Variants in PARK7 observed in about 807,000 individuals in gnomAD.
PARK7 encodes Parkinsonism associated deglycase.
PARK7 carries 14 observed loss-of-function variants against 20.5 expected under a neutral mutation model. The ratio of observed to expected loss-of-function variants is 0.68; its 90% CI spans 0.45 to 1.07. The LOEUF is 1.07. Among genes scored for constraint, PARK7 ranks in the 50% least tolerant of loss-of-function variants. PARK7 has a pLI of 0.00. For missense variants in PARK7, 234 were observed against 238.1 expected (o/e 0.98, Z 0.11); for synonymous variants, 98 against 84.3 (o/e 1.16, Z -0.89).
chr1:7,972,297 CAACA>C (rs370264113), intron 5 of PARK7, among the ~76,000 whole-genome samples: 5 of 151,926 alleles, frequency 3.3e-5, no homozygotes, highest in African/African-American at 4.8e-5. Flanking sequence ...ACCCCCATCT[CAACA>C]AACAAACAAA....
At chr1:7,968,891 TA>T (rs1640389851) in intron 3 of PARK7, among the ~76,000 whole-genome samples, 1 of 152,184 alleles carries the variant, frequency 6.6e-6, no homozygotes, top group African/African-American at 2.4e-5. Flanking sequence ...TAGACACATA[TA>T]AAGTCAAAAT....
rs1488994886 is a variant in PARK7 at position 7,985,305 on chromosome 1, CTCATT to C, written c.*254_*258del. 10 of 502,650 alleles carry C rather than the reference CTCATT, an allele frequency of 2.0e-5. No individual in the cohort carries two copies. In the Admixed American group the frequency reaches 3.2e-4, roughly 16 times the overall value. 31.1% of individuals were successfully genotyped at this position (502,650 alleles called of 1,614,324 possible). A position where few individuals can be genotyped will look rare whatever the true frequency, so the allele number is the denominator to read the frequency against. On this transcript the variant is annotated 3_prime_UTR_variant, in exon 7 of 7. Coordinates refer to ENST00000338639, the MANE Select transcript of PARK7 (RefSeq NM_007262.5). ...CTACTGATTGTTTCTTGTTTTGTCT[CTCATT>C]TCTTTTGTGAAATTAAATTCCGTAT...
At position 7,965,346 on chromosome 1, in the gene PARK7, TGGCTGG is replaced by T; in HGVS notation, c.114_119del (p.Ala39_Gly40del). On this transcript the variant is annotated inframe_deletion, in exon 3 of 7. Transcript: ENST00000338639. Reference sequence around the variant, plus strand: ...TAGATTAAGGTCACCGTTGCAGGCCTGGCTGGAAAAGACCCAGTACAGTGTAGCCGT... The same window carrying T: ...TAGATTAAGGTCACCGTTGCAGGCCTAAAAGACCCAGTACAGTGTAGCCGT... The T allele has an allele frequency of 6.2e-7, 1 of 1,614,188 alleles. No individual in the cohort carries two copies. The highest frequency in any genetic ancestry group is 8.5e-7 in the Non-Finnish European group (1 of 1,180,014).
At chr1:7,963,287 C>G (rs1054045416) in intron 2 of PARK7, among the ~76,000 whole-genome samples, 5 of 152,238 alleles carry the variant, frequency 3.3e-5, no homozygotes, top group African/African-American at 1.2e-4. Flanking sequence ...TGCTCTCCAA[C>G]TCCTGAGCTC....
At chr1:7,963,423 G>A (rs1640254686) in intron 2 of PARK7, among the ~76,000 whole-genome samples, 1 of 145,930 alleles carries the variant, frequency 6.9e-6, no homozygotes, top group South Asian at 2.2e-4. Context: ...TCTCTGTGTC[G>A]CTCAGCCTGG....
At chr1:7,980,662 T>C (rs1640691624) in intron 6 of PARK7, among the ~76,000 whole-genome samples, 1 of 152,048 alleles carries the variant, frequency 6.6e-6, no homozygotes, top group African/African-American at 2.4e-5. Flanking sequence ...AGTTACCAGG[T>C]GTTGGATTTA....
At chr1:7,968,222 C>T (rs1250615233) in intron 3 of PARK7, among the ~76,000 whole-genome samples, 1 of 147,494 alleles carries the variant, frequency 6.8e-6, no homozygotes, top group South Asian at 2.2e-4. Context: ...GCAGGAGAAT[C>T]GCTTGAATCC....
intron 4 of PARK7, 88 bp from the exon 5 acceptor site, chr1:7,970,806 A>T (rs2151432294): frequency 7.6e-7 from 1 of 1,321,702 alleles, no homozygotes; most frequent in East Asian, 2.4e-5. Flanking sequence ...GGTTTAAACT[A>T]AAATTAAATT....
chr1:7,981,621 C>T (rs1261531042), intron 6 of PARK7, among the ~76,000 whole-genome samples: 1 of 151,992 alleles, frequency 6.6e-6, no homozygotes, highest in Non-Finnish European at 1.5e-5. Context: ...GGCCTCGGCC[C>T]TCAGGCTTGT....
In PARK7 at chr1:7,965,425, G is replaced by C. The variant is rs74315353; in HGVS notation, c.192G>C (p.Glu64Asp). Reference sequence around the variant, plus strand: ...CCAGCCTTGAAGATGCAAAAAAAGAGGTTTGTAATCCATACATGGAGTTAT... The same window carrying C: ...CCAGCCTTGAAGATGCAAAAAAAGACGTTTGTAATCCATACATGGAGTTAT... ...PDASLEDAKK[E>D]GPYDVVVLPG... is the part of the protein sequence containing the mutation. The change falls in exon 3 of 7, where the codon GAG (glutamate) becomes GAC (aspartate). Residue 64 changes from glutamate to aspartate, a missense_variant and splice_region_variant. By Grantham distance (45) the Glu-to-Asp change is conservative. Transcript: ENST00000338639. The C allele has an allele frequency of 1.9e-6, 3 of 1,613,528 alleles. No homozygotes were observed. In the East Asian group the frequency reaches 6.7e-5, roughly 36 times the overall value.
chr1:7,963,135 C>G (rs1640245188), intron 2 of PARK7, among the ~76,000 whole-genome samples: 1 of 152,112 alleles, frequency 6.6e-6, no homozygotes, highest in African/African-American at 2.4e-5. Context: ...AGGATCTTGG[C>G]TCATTTCGGT....
chr1:7,963,725 G>A (rs1015248122), intron 2 of PARK7, among the ~76,000 whole-genome samples: 8 of 151,840 alleles, frequency 5.3e-5, no homozygotes, highest in Admixed American at 3.9e-4. Context: ...TACATTTGAA[G>A]CCCCCTTTGT....
chr1:7,973,097 A>C (rs1410044317), intron 5 of PARK7, among the ~76,000 whole-genome samples: 1 of 152,212 alleles, frequency 6.6e-6, no homozygotes, highest in East Asian at 1.9e-4. Context: ...GATATAACCC[A>C]CATAAAAGCT....
chr1:7,964,445 G>A (rs909773512), intron 2 of PARK7, among the ~76,000 whole-genome samples: 10 of 152,168 alleles, frequency 6.6e-5, no homozygotes, highest in East Asian at 1.9e-4. Flanking sequence ...GATACATGTC[G>A]ATTAAGTTTA....
intron 5 of PARK7, among the ~76,000 whole-genome samples, chr1:7,973,414 G>A (rs1640504870): frequency 6.6e-6 from 1 of 152,236 alleles, no homozygotes; most frequent in South Asian, 2.1e-4. Flanking sequence ...AAGAGTTTGG[G>A]CTGAGTTTGT....
intron 2 of PARK7, among the ~76,000 whole-genome samples, chr1:7,963,410 GTC>G (rs1017384216): frequency 1.4e-5 from 2 of 145,896 alleles, no homozygotes; most frequent in Admixed American, 7.0e-5. Flanking sequence ...TTGAGATGGT[GTC>G]TCTCTGTGTC....
At chr1:7,976,751 C>A (rs544397155) in intron 5 of PARK7, among the ~76,000 whole-genome samples, 1 of 152,158 alleles carries the variant, frequency 6.6e-6, no homozygotes, top group African/African-American at 2.4e-5. Context: ...GACAGAGTCT[C>A]GCTCTGTCGC....
chr1:7,963,527 G>A (rs915062620), intron 2 of PARK7, among the ~76,000 whole-genome samples: 21 of 151,444 alleles, frequency 1.4e-4, no homozygotes, highest in African/African-American at 3.6e-4. Flanking sequence ...ACAGGTGTCC[G>A]CCACCACGCC....
intron 2 of PARK7, among the ~76,000 whole-genome samples, chr1:7,963,380 T>C (rs1640252395): frequency 6.7e-6 from 1 of 150,228 alleles, no homozygotes; most frequent in Admixed American, 6.9e-5. Context: ...CCATTTCTTT[T>C]TTCTTCTTTT....
Sources: gnomAD v4.1 joint callset for allele counts (sites outside exome capture counted in the v4.1 genomes callset) on GRCh38, gnomAD v4.1.1 for gene constraint, MANE v1.5 for transcripts, NCBI Gene and HGNC (gene_info 2026-07-23, HGNC 2026-07-21) for gene names.